The following SCUBE2 variants were observed in gnomAD, a reference collection of about 807,000 sequenced individuals.
The protein encoded by SCUBE2 is signal peptide, CUB domain and EGF like domain containing 2.
A neutral mutation model predicts 125.9 loss-of-function variants in SCUBE2; 114 were observed. The ratio of observed to expected loss-of-function variants is 0.91; its 90% CI spans 0.78 to 1.06. SCUBE2 has a LOEUF of 1.06. SCUBE2 is among the 50% of genes least tolerant of loss of function. The pLI is 0.00. For synonymous variants in SCUBE2, 459 were observed against 492.9 expected (o/e 0.93, Z 0.91); for missense variants, 1,255 against 1,301.8 (o/e 0.96, Z 0.55).
intron 10 of SCUBE2, among the ~76,000 whole-genome samples, chr11:9,054,698 AGT>A (rs200090037): frequency 0.24 from 14,431 of 60,720 alleles, 2,702 homozygotes; most frequent in East Asian, 0.39. Context: ...GCAAAGCACT[AGT>A]GTATATATAT....
chr11:9,058,106 C>T (rs763742635), intron 9 of SCUBE2, among the ~76,000 whole-genome samples: 1 of 152,166 alleles, frequency 6.6e-6, no homozygotes, highest in Non-Finnish European at 1.5e-5. Flanking sequence ...CATCTCCTCC[C>T]CACAAGCCCT....
chr11:9,026,116 G>A (rs1855736300), intron 20 of SCUBE2: 1 of 318,662 alleles, frequency 3.1e-6, no homozygotes, highest in South Asian at 7.4e-5. Flanking sequence ...TTCACTGTAG[G>A]AGCTGGGTGA....
In SCUBE2 at chr11:9,047,377, C is replaced by T; in HGVS notation, c.1981G>A (p.Gly661Ser). 1 of 1,614,168 alleles carries T rather than the reference C, an allele frequency of 6.2e-7. No homozygotes were observed. The highest frequency in any genetic ancestry group is 1.3e-5 in the African/African-American group (1 of 75,036). The change falls in exon 16 of 23, where the codon GGT becomes AGT. Residue 661 changes from glycine (G) to serine (S), a missense_variant. Physicochemically the swap from Gly to Ser is moderately conservative, Grantham distance 56 (BLOSUM62 0). Around this residue, in one of 3 missense-constraint regions of SCUBE2, gnomAD observed 515 missense variants for 515.7 expected, o/e 1.00. Transcript: ENST00000649792. Reference protein sequence around the residue: ...RQAESCGVGQGHAENQCVSCR... With the variant: ...RQAESCGVGQSHAENQCVSCR... Reference sequence around the variant, plus strand: ...TCACCACATTGGTTTTCTGCATGACCCTGGCCCACTCCACAGGACTCTGCC... The same window carrying T: ...TCACCACATTGGTTTTCTGCATGACTCTGGCCCACTCCACAGGACTCTGCC...
Position 9,091,442 on chromosome 11 carries a change from C to T in SCUBE2, c.87G>A (p.Ala29=), listed in dbSNP as rs907432684. 1.5e-6 allele frequency: 2 copies of T among 1,337,574 alleles called. No individual in the cohort carries two copies. The highest frequency in any genetic ancestry group is 1.8e-5 in the South Asian group (1 of 54,596). The allele number at this position is 1,337,574 out of a possible 1,614,324, so 82.9% of individuals were successfully genotyped here. ...GGCCCCGACCCGGCGGGACGGCCCCCGCCAGCAGCAGCAGTGGCGGCAGCA... is the reference window on the plus strand; with the variant it reads ...GGCCCCGACCCGGCGGGACGGCCCCTGCCAGCAGCAGCAGTGGCGGCAGCA... The part of the protein sequence containing the change: ...LLLLPPLLLL[A]GAVPPGRGRA... Residue 29 remains alanine, a synonymous_variant, in exon 1 of 23, where the codon GCG becomes GCA. Transcript: ENST00000649792. This position sits in a 1 kb window ranked among gnomAD's most constrained non-coding sequence, Gnocchi z 8.5.
intron 16 of SCUBE2, among the ~76,000 whole-genome samples, chr11:9,037,531 T>G (rs752470000): frequency 1.3e-5 from 2 of 152,232 alleles, no homozygotes; most frequent in Non-Finnish European, 2.9e-5. Flanking sequence ...GGTCACCCTC[T>G]AGTATTTGAC....
At chr11:9,049,282 C>T (rs1243633718) in intron 14 of SCUBE2, among the ~76,000 whole-genome samples, 6 of 152,230 alleles carry the variant, frequency 3.9e-5, no homozygotes, top group African/African-American at 1.4e-4. Context: ...CTCGCTCTGT[C>T]GCCCAGGCTG....
At chr11:9,055,014 G>A (rs777574381) in intron 10 of SCUBE2, among the ~76,000 whole-genome samples, 33 of 151,902 alleles carry the variant, frequency 2.2e-4, no homozygotes, top group Middle Eastern at 3.4e-3. Context: ...GATTAGAGCC[G>A]TAAGCCACCA....
Position 9,029,954 on chromosome 11 carries a change from A to AT in SCUBE2, c.2432dup (p.Asn811LysfsTer2), listed in dbSNP as rs1856154641. 9 of 1,614,092 alleles carry AT rather than the reference A, an allele frequency of 5.6e-6. No individual in the cohort carries two copies. The highest frequency in any genetic ancestry group is 7.6e-6 in the Non-Finnish European group (9 of 1,180,008). On this transcript the variant is annotated frameshift_variant, in exon 19 of 23. Coordinates refer to ENST00000649792, the MANE Select transcript of SCUBE2 (RefSeq NM_001367977.2). LOFTEE classifies it high-confidence loss of function. ...TATTTCCTGGGCAAGAAACACAATT[A>AT]TTTTTTCCAAATTCAGGCTGGTATG...
At chr11:9,072,180 T>G (rs1362360964) in intron 4 of SCUBE2, among the ~76,000 whole-genome samples, 1 of 152,050 alleles carries the variant, frequency 6.6e-6, no homozygotes, top group Non-Finnish European at 1.5e-5. Flanking sequence ...AGGTATCCAC[T>G]GTGGGTTTTG....
At chr11:9,057,894 T>C (rs1323524231) in intron 9 of SCUBE2, among the ~76,000 whole-genome samples, 3 of 152,158 alleles carry the variant, frequency 2.0e-5, no homozygotes, top group African/African-American at 7.2e-5. Context: ...CAAGAATACA[T>C]TACAGCACAT....
rs1205148736 is a variant in SCUBE2, at chr11:9,053,088, G to A, written c.1447+11C>T. On this transcript the variant is annotated intron_variant, in intron 12 of 22. Coordinates refer to ENST00000649792, the MANE Select transcript of SCUBE2 (RefSeq NM_001367977.2). ...TGTGAGGACCTGCCCCGGGAACTGG[G>A]CCCCACTCACCTGAAGAGAGGTGAA... 3.7e-6 allele frequency: 6 copies of A among 1,609,156 alleles called. No individual in the cohort carries two copies. The highest frequency in any genetic ancestry group is 4.3e-6 in the Non-Finnish European group (5 of 1,175,580).
intron 16 of SCUBE2, among the ~76,000 whole-genome samples, chr11:9,039,971 G>T (rs1041423613): frequency 6.6e-5 from 10 of 152,244 alleles, no homozygotes; most frequent in African/African-American, 2.4e-4. Flanking sequence ...CCCGACTGAA[G>T]GGCGTAAACG....
chr11:9,047,904 C>A (rs1187382948), intron 15 of SCUBE2, 39 bp downstream of exon 15: 2 of 1,571,478 alleles, frequency 1.3e-6, no homozygotes, highest in Admixed American at 1.9e-5. Context: ...AGGAGCAAGC[C>A]GTGAGAAGCC....
At chr11:9,044,785 T>A (rs899476783) in intron 16 of SCUBE2, among the ~76,000 whole-genome samples, 1 of 152,056 alleles carries the variant, frequency 6.6e-6, no homozygotes, top group Non-Finnish European at 1.5e-5. Context: ...ACCTTGGGGT[T>A]TTCCTATTTG....
chr11:9,060,367 C>T (rs536701005), intron 8 of SCUBE2, 41 bp downstream of exon 8: 1 of 1,497,872 alleles, frequency 6.7e-7, no homozygotes, highest in African/African-American at 1.4e-5. Flanking sequence ...GCCCTCCCTC[C>T]ATAACAGGGC....
chr11:9,056,713 C>G (rs1419427043), intron 9 of SCUBE2, among the ~76,000 whole-genome samples: 1 of 152,168 alleles, frequency 6.6e-6, no homozygotes, highest in African/African-American at 2.4e-5. Flanking sequence ...CAACCTCTTT[C>G]TTGTAGGCTG....
intron 7 of SCUBE2, among the ~76,000 whole-genome samples, chr11:9,062,914 G>A (rs72632954): frequency 0.17 from 26,138 of 151,666 alleles, 2,710 homozygotes; most frequent in South Asian, 0.37. Flanking sequence ...CAGGAGTTCC[G>A]GAGGGAAAGA....
chr11:9,074,284 A>C (rs1861037530), intron 4 of SCUBE2, among the ~76,000 whole-genome samples, 197 bp downstream of exon 4: 1 of 152,198 alleles, frequency 6.6e-6, no homozygotes, highest in African/African-American at 2.4e-5. Flanking sequence ...AGTCCAGTGC[A>C]ACTATTTTGC....
chr11:9,059,952 G>A (rs1001578095), intron 8 of SCUBE2, among the ~76,000 whole-genome samples: 1 of 152,072 alleles, frequency 6.6e-6, no homozygotes, highest in Non-Finnish European at 1.5e-5. Flanking sequence ...TTGTACTCTT[G>A]CCCATGAAAT....
Sources: allele counts gnomAD v4.1 joint callset (sites outside exome capture counted in the v4.1 genomes callset), GRCh38; gene constraint gnomAD v4.1.1; regional missense constraint gnomAD v4.1.1; non-coding constraint Gnocchi (gnomAD v3.1); transcripts MANE v1.5; gene names NCBI Gene and HGNC (gene_info 2026-07-23, HGNC 2026-07-21).